MED12L: variants seen among roughly 807,000 people sequenced by gnomAD.
MED12L encodes the protein mediator of RNA polymerase II transcription subunit 12-like protein.
MED12L carries 60 observed loss-of-function variants against 281.3 expected under a neutral mutation model. That is an observed-to-expected ratio of 0.21 (90% CI 0.17 to 0.26). The LOEUF is 0.26. Among genes scored for constraint, MED12L ranks in the 10% least tolerant of loss-of-function variants. The pLI, the probability that MED12L is intolerant of heterozygous loss-of-function variation, is 1.00. For missense variants in MED12L, 2,146 were observed against 2,680.9 expected (o/e 0.80, Z 4.41); for synonymous variants, 974 against 987.2 (o/e 0.99, Z 0.25).
chr3:151,343,072 C>T (rs1454711244), intron 16 of MED12L, among the ~76,000 whole-genome samples: 2 of 152,106 alleles, frequency 1.3e-5, no homozygotes, highest in Non-Finnish European at 2.9e-5. Flanking sequence ...CACACCCTCT[C>T]CTCAACCCCT....
At position 151,436,430 on chromosome 3, in the gene MED12L, C is replaced by T. The variant is rs1577654202; in HGVS notation, c.*3626C>T. On this transcript the variant is annotated 3_prime_UTR_variant, in exon 45 of 45. Coordinates refer to ENST00000687756, the MANE Select transcript of MED12L (RefSeq NM_001393769.1). ...AGCCATTTGTTATTTTATAGTGAAC[C>T]GTTTCAATGTTTGTTTATTGTTATT... The T allele has an allele frequency of 3.2e-6, 1 of 311,750 alleles. No homozygotes were observed. The highest frequency in any genetic ancestry group is 6.6e-5 in the East Asian group (1 of 15,052). 19.3% of individuals were successfully genotyped at this position (311,750 alleles called of 1,614,324 possible).
chr3:151,165,333 C>T (rs550331361), intron 9 of MED12L, 87 bp from the exon 10 acceptor site: 27 of 994,280 alleles, frequency 2.7e-5, no homozygotes, highest in Non-Finnish European at 3.9e-5. Flanking sequence ...CTATAGGATA[C>T]TTTACTCACG....
In MED12L at chr3:151,294,139, A is replaced by G. The variant is rs531173346; in HGVS notation, c.2251-55920A>G. 6.4e-6 allele frequency: 8 copies of G among 1,249,786 alleles called. No individual in the cohort carries two copies. The Admixed American group carries it at 1.2e-4, about 19-fold the overall frequency. The allele number at this position is 1,249,786 out of a possible 1,614,324, so 77.4% of individuals were successfully genotyped here. A position where few individuals can be genotyped will look rare whatever the true frequency, so the allele number is the denominator to read the frequency against. ...AAAGAAACATTTATTTACACTTTGT[A>G]CATATCGATTCCAACAAACAATAAA... On this transcript the variant is annotated intron_variant, in intron 16 of 44. Transcript: ENST00000687756.
chr3:151,141,178 G>GTTTTTTGTTTTTTTTTTTTTTTT (rs1716904709), intron 5 of MED12L, among the ~76,000 whole-genome samples: 1 of 102,190 alleles, frequency 9.8e-6, no homozygotes, highest in African/African-American at 4.3e-5. Flanking sequence ...TTTTTTTTTT[G>GTTTTTTGTTTTTTTTTTTTTTTT]TTTTTTTTGT....
rs1170267336 is a variant in MED12L, at chr3:151,401,866, A to G, written c.5820+6999A>G. 5.9e-5 allele frequency among the ~76,000 whole-genome samples: 9 copies of G among 152,158 alleles called. 1 individual carries two copies. In the South Asian group the frequency reaches 1.9e-3, roughly 31 times the overall value. On this transcript the variant is annotated intron_variant, in intron 39 of 44. Transcript: ENST00000687756. ...GGTGGGTGCTTCACTTATTACTTAT[A>G]TCTGGTATTTCTCTGTTTATTTGAA...
chr3:151,224,291 T>C (rs1730033697), intron 16 of MED12L, among the ~76,000 whole-genome samples: 2 of 152,208 alleles, frequency 1.3e-5, no homozygotes, highest in Non-Finnish European at 2.9e-5. Context: ...TAATACACAG[T>C]GCTCTGGATC....
At chr3:151,123,148 A>G (rs1391891023) in intron 4 of MED12L, among the ~76,000 whole-genome samples, 174 bp downstream of exon 4, 2 of 152,084 alleles carry the variant, frequency 1.3e-5, no homozygotes, top group Non-Finnish European at 2.9e-5. Flanking sequence ...TTTTGATTGC[A>G]TGTAGTGCCT....
intron 16 of MED12L, among the ~76,000 whole-genome samples, chr3:151,343,958 T>A (rs1752222756): frequency 6.6e-6 from 1 of 152,190 alleles, no homozygotes; most frequent in Admixed American, 6.5e-5. Flanking sequence ...ATTAATATTT[T>A]GTTTGAGGGT....
At chr3:151,384,585 T>A (rs1712995328) in intron 35 of MED12L, 1 of 192,866 alleles carries the variant, frequency 5.2e-6, no homozygotes, top group East Asian at 1.4e-4. Context: ...ATCGATTCAT[T>A]TGACCGACCA....
At position 151,409,248 on chromosome 3, in the gene MED12L, G is replaced by T. The variant is rs1254944689; in HGVS notation, c.5826G>T (p.Gln1942His). Residue 1942 changes from glutamine to histidine, a missense_variant, in exon 40 of 45, where the codon CAG (glutamine) becomes CAT (histidine). Gln to His is a conservative substitution (Grantham distance 24). Transcript: ENST00000687756. Reference sequence around the variant, plus strand: ...GCTTTGGCTTTGTTTTCCAGGGCCAGCCGGGGGACCAGGCTGCTCTCTTTG... The same window carrying T: ...GCTTTGGCTTTGTTTTCCAGGGCCATCCGGGGGACCAGGCTGCTCTCTTTG... ...QAQTRPFQQG[Q>H]PGDQAALFAA... 1 of 1,592,572 alleles carries T rather than the reference G, an allele frequency of 6.3e-7. No homozygotes were observed. Among genetic ancestry groups the T allele is most frequent in the East Asian group, 2.3e-5 (1 of 44,372 alleles).
chr3:151,132,586 A>G (rs1715550565), intron 5 of MED12L, among the ~76,000 whole-genome samples: 1 of 152,154 alleles, frequency 6.6e-6, no homozygotes. Flanking sequence ...TGATTTGGGT[A>G]AGGTGGTGTC....
chr3:151,156,224 A>G lies in MED12L; in HGVS notation c.620A>G (p.His207Arg). ...EQLAKISDFY[H>R]MASSTGDGPV... ...TTGGCCAAGATTTCTGACTTTTACC[A>G]CATGGCCTCCAGCACGGGCGATGGC... The change falls in exon 6 of 45, where the codon CAC (histidine) becomes CGC (arginine). Residue 207 changes from histidine (H) to arginine (R), a missense_variant. Transcript: ENST00000687756. 1 of 1,613,504 alleles carries G rather than the reference A, an allele frequency of 6.2e-7. No individual in the cohort carries two copies. Among genetic ancestry groups the G allele is most frequent in the South Asian group, 1.1e-5 (1 of 90,890 alleles).
intron 16 of MED12L, among the ~76,000 whole-genome samples, chr3:151,254,642 A>G (rs910209318): frequency 1.8e-4 from 27 of 152,364 alleles, no homozygotes; most frequent in Admixed American, 9.8e-4. Flanking sequence ...GCATTTAGAG[A>G]GAAATGTGAA....
chr3:151,429,867 T>G (rs1048992148), intron 43 of MED12L, among the ~76,000 whole-genome samples: 3 of 152,210 alleles, frequency 2.0e-5, no homozygotes, highest in Non-Finnish European at 1.5e-5. Context: ...CCACCCTGCC[T>G]CACCAGATTA....
chr3:151,375,902 A>C (rs980696665), intron 27 of MED12L, 124 bp from the exon 28 acceptor site: 2 of 548,036 alleles, frequency 3.6e-6, no homozygotes, highest in African/African-American at 4.0e-5. Flanking sequence ...TTTTAATGTA[A>C]TTTTTTAAAT....
At chr3:151,361,969 T>C (rs763586827) in intron 21 of MED12L, among the ~76,000 whole-genome samples, 3 of 152,112 alleles carry the variant, frequency 2.0e-5, no homozygotes, top group Non-Finnish European at 4.4e-5. Flanking sequence ...AGGAGAGTGG[T>C]AGAAGGTAAT....
chr3:151,411,253 C>T (rs1716899604), intron 40 of MED12L, 25 bp from the exon 41 acceptor site: 3 of 1,601,368 alleles, frequency 1.9e-6, no homozygotes, highest in Non-Finnish European at 2.6e-6. Flanking sequence ...GAAACATTGA[C>T]TTCTTCCCTT....
intron 16 of MED12L, among the ~76,000 whole-genome samples, chr3:151,333,285 C>A (rs553986800): frequency 6.6e-5 from 10 of 152,242 alleles, no homozygotes; most frequent in Admixed American, 2.6e-4. Flanking sequence ...CTGGGTTGAA[C>A]GGTAATTCTG....
chr3:151,232,515 T>C (rs1221250425), intron 16 of MED12L, among the ~76,000 whole-genome samples: 1 of 152,160 alleles, frequency 6.6e-6, no homozygotes, highest in Non-Finnish European at 1.5e-5. Context: ...TATTTCATAA[T>C]AGCAAAGACA....
Sources: allele counts gnomAD v4.1 joint callset (sites outside exome capture counted in the v4.1 genomes callset), GRCh38; gene constraint gnomAD v4.1.1; transcripts MANE v1.5; gene names NCBI Gene and HGNC (gene_info 2026-07-23, HGNC 2026-07-21).